PCDHGB1: variants seen among roughly 807,000 people sequenced by gnomAD.
PCDHGB1 encodes the protein protocadherin gamma-B1.
In PCDHGB1, 34 loss-of-function variants were observed where a neutral mutation model predicts 56.6. The observed-to-expected ratio is 0.60, with a 90% CI of 0.46 to 0.80. The LOEUF is 0.80. Among genes scored for constraint, PCDHGB1 ranks in the 30% least tolerant of loss-of-function variants. The pLI is 0.00. For missense variants in PCDHGB1, 1,278 were observed against 1,204.6 expected (o/e 1.06, Z -0.90); for synonymous variants, 561 against 505.9 (o/e 1.11, Z -1.46).
In PCDHGB1 at chr5:141,419,316, G is replaced by A. The variant is rs775328616; in HGVS notation, c.2409+66647G>A. 1.1e-5 allele frequency: 18 copies of A among 1,613,994 alleles called. No individual in the cohort carries two copies. In the South Asian group the frequency reaches 1.8e-4, roughly 16 times the overall value. On this transcript the variant is annotated intron_variant, in intron 1 of 3. Coordinates refer to ENST00000523390, the MANE Select transcript of PCDHGB1 (RefSeq NM_018922.3). ...GACCCAGACTTCGGGCTCAACGGCC[G>A]TGTCTCCTACTCTCTCATTGCCAGC...
intron 1 of PCDHGB1, chr5:141,357,283 G>A (rs1331932822): frequency 6.2e-7 from 1 of 1,613,948 alleles, no homozygotes; most frequent in East Asian, 2.2e-5. Context: ...CTATCTCGTG[G>A]TGGCAGTGGC....
intron 1 of PCDHGB1, chr5:141,405,045 C>T (rs757899891): frequency 6.2e-7 from 1 of 1,613,918 alleles, no homozygotes. Context: ...GTGGCTGTGG[C>T]AGTCGTCTCC....
At chr5:141,449,796 A>G (rs1358409274) in intron 1 of PCDHGB1, among the ~76,000 whole-genome samples, 2 of 151,590 alleles carry the variant, frequency 1.3e-5, no homozygotes, top group Admixed American at 6.6e-5. Context: ...TTATTCCTAA[A>G]TACCTCATTG....
At position 141,461,820 on chromosome 5, in the gene PCDHGB1, AT is replaced by A. The variant is rs1458631685; in HGVS notation, c.2410-32978del. Among the ~76,000 whole-genome samples the A allele has an allele frequency of 8.1e-5, 12 of 147,918 alleles. 1 individual carries two copies. In the South Asian group the frequency reaches 1.3e-3, roughly 16 times the overall value. On this transcript the variant is annotated intron_variant, in intron 1 of 3. Transcript: ENST00000523390. ...AGGTGCCCACCACCACACCCAGCTAATTTTTTTTTCTTTTTTTTTTGAGACA... is the reference window on the plus strand; with the variant it reads ...AGGTGCCCACCACCACACCCAGCTAATTTTTTTTCTTTTTTTTTTGAGACA...
At chr5:141,383,492 G>A (rs1012277194) in intron 1 of PCDHGB1, 4 of 1,613,060 alleles carry the variant, frequency 2.5e-6, no homozygotes, top group African/African-American at 2.7e-5. Context: ...GTGCTGGAGC[G>A]GGTGCTGGAC....
chr5:141,471,906 G>A (rs1376234079), intron 1 of PCDHGB1, among the ~76,000 whole-genome samples: 2 of 152,192 alleles, frequency 1.3e-5, no homozygotes, highest in African/African-American at 4.8e-5. Context: ...CTACAGACAA[G>A]CATGAGGGAA....
rs1257609378 is a variant in PCDHGB1 at position 141,385,552 on chromosome 5, T to TA, written c.2409+32883_2409+32884insA. Reference sequence around the variant, plus strand: ...ATTATGAATATGTGGACTATCACATTTTATAATTTCCACCTACTTTCCAAT... The same window carrying TA: ...ATTATGAATATGTGGACTATCACATTATTATAATTTCCACCTACTTTCCAAT... On this transcript the variant is annotated intron_variant, in intron 1 of 3. Transcript: ENST00000523390. 1.1e-5 allele frequency: 14 copies of TA among 1,315,750 alleles called. No individual in the cohort carries two copies. The African/African-American group carries it at 2.1e-4, about 20-fold the overall frequency. The allele number at this position is 1,315,750 out of a possible 1,614,324, so 81.5% of individuals were successfully genotyped here. A position where few individuals can be genotyped will look rare whatever the true frequency, so the allele number is the denominator to read the frequency against.
At chr5:141,405,022 C>T in intron 1 of PCDHGB1, 6 of 1,613,976 alleles carry the variant, frequency 3.7e-6, no homozygotes, top group Non-Finnish European at 5.1e-6. Context: ...CAGACCTTAC[C>T]CTCTACCTCG....
chr5:141,430,975 G>A (rs776670383), intron 1 of PCDHGB1: 2 of 1,613,208 alleles, frequency 1.2e-6, no homozygotes, highest in Admixed American at 1.7e-5. Flanking sequence ...GAGGTAGGAC[G>A]CAGCTTTTCG....
At chr5:141,483,772 G>C (rs2099586910) in intron 1 of PCDHGB1, among the ~76,000 whole-genome samples, 1 of 152,140 alleles carries the variant, frequency 6.6e-6, no homozygotes, top group Non-Finnish European at 1.5e-5. Flanking sequence ...AAAAATATTG[G>C]GGAAGGATAA....
intron 1 of PCDHGB1, chr5:141,411,432 AC>A (rs1483186233): frequency 6.6e-6 from 1 of 151,012 alleles, no homozygotes; most frequent in African/African-American, 2.4e-5. Context: ...ACAAAAAAAA[AC>A]ATTAGCAGAG....
intron 1 of PCDHGB1, among the ~76,000 whole-genome samples, chr5:141,382,425 AAG>A (rs1778199818): frequency 6.6e-6 from 1 of 152,212 alleles, no homozygotes; most frequent in Admixed American, 6.5e-5. Flanking sequence ...CAGTGCCCAA[AAG>A]AGTCACTTGA....
intron 1 of PCDHGB1, chr5:141,479,712 C>T (rs1488849933): frequency 6.6e-6 from 1 of 152,216 alleles, no homozygotes; most frequent in Non-Finnish European, 1.5e-5. Flanking sequence ...CCCTGTCCTT[C>T]CAGCCTTATT....
chr5:141,403,685 C>A, intron 1 of PCDHGB1: 1 of 1,613,822 alleles, frequency 6.2e-7, no homozygotes, highest in Non-Finnish European at 8.5e-7. Flanking sequence ...TTTTGCTCAA[C>A]GGATTTACCG....
Position 141,491,586 on chromosome 5 carries a change from G to T in PCDHGB1, c.2410-3221G>T, listed in dbSNP as rs373990387. ...ACAGGACGTGCTTTTCACCGGCCTC[G>T]GACGGCAGTGACTTCACTTTTCTAA... On this transcript the variant is annotated intron_variant, in intron 1 of 3. Transcript: ENST00000523390. This position sits in a 1 kb window ranked among gnomAD's most constrained non-coding sequence, Gnocchi z 6.9. 2.1e-5 allele frequency: 34 copies of T among 1,613,792 alleles called. No individual in the cohort carries two copies. In the African/African-American group the frequency reaches 2.4e-4, roughly 11 times the overall value.
Position 141,511,606 on chromosome 5 carries a change from G to A in PCDHGB1, c.*433G>A, listed in dbSNP as rs1160129762. The stretch of plus-strand genomic sequence containing the variant: ...TGTTGAAGTACCAAGTAACCTACAA[G>A]CCTCCTAGTTCTGAAAAGTTGGAAG... On this transcript the variant is annotated 3_prime_UTR_variant, in exon 4 of 4. Transcript: ENST00000523390. 2 of 248,594 alleles carry A rather than the reference G, an allele frequency of 8.0e-6. No individual in the cohort carries two copies. Among genetic ancestry groups the A allele is most frequent in the Non-Finnish European group, 1.6e-5 (2 of 123,946 alleles). 15.4% of individuals were successfully genotyped at this position (248,594 alleles called of 1,614,324 possible). A position where few individuals can be genotyped will look rare whatever the true frequency, so the allele number is the denominator to read the frequency against.
At position 141,388,343 on chromosome 5, in the gene PCDHGB1, A is replaced by G. The variant is rs2091322753; in HGVS notation, c.2409+35674A>G. ...CTGCACAGCCTGGCACACGATTTAT[A>G]TTAGGATCTGCCCATGATGCGGATA... On this transcript the variant is annotated intron_variant, in intron 1 of 3. Coordinates refer to ENST00000523390, the MANE Select transcript of PCDHGB1 (RefSeq NM_018922.3). 3 of 1,614,008 alleles carry G rather than the reference A, an allele frequency of 1.9e-6. No individual in the cohort carries two copies. The East Asian group carries it at 6.7e-5, about 36-fold the overall frequency.
chr5:141,374,715 T>C (rs1260634763), intron 1 of PCDHGB1: 1 of 1,609,848 alleles, frequency 6.2e-7, no homozygotes, highest in Non-Finnish European at 8.5e-7. Context: ...TACCGCCTGG[T>C]CCTTACTGCC....
Position 141,489,092 on chromosome 5 carries a change from A to AATT in PCDHGB1, c.2410-5714_2410-5713insTTA. 2.9e-6 allele frequency: 1 copy of AATT among 348,332 alleles called. No individual in the cohort carries two copies. Among genetic ancestry groups the AATT allele is most frequent in the Non-Finnish European group, 4.7e-6 (1 of 214,538 alleles). 21.6% of individuals were successfully genotyped at this position (348,332 alleles called of 1,614,324 possible). A position where few individuals can be genotyped will look rare whatever the true frequency, so the allele number is the denominator to read the frequency against. On this transcript the variant is annotated intron_variant, in intron 1 of 3. Transcript: ENST00000523390. This position sits in a 1 kb window ranked among gnomAD's most constrained non-coding sequence, Gnocchi z 4.5. Reference sequence around the variant, plus strand: ...TGCCCACCCCCGCCACTCGGTGACTAAGAACTGCTGCAAGCAGGCAAACCT... The same window carrying AATT: ...TGCCCACCCCCGCCACTCGGTGACTAATTAGAACTGCTGCAAGCAGGCAAACCT...
Sources: allele counts gnomAD v4.1 joint callset (sites outside exome capture counted in the v4.1 genomes callset), GRCh38; gene constraint gnomAD v4.1.1; non-coding constraint Gnocchi (gnomAD v3.1); transcripts MANE v1.5; gene names NCBI Gene and HGNC (gene_info 2026-07-23, HGNC 2026-07-21).